COP1: variants seen among roughly 807,000 people sequenced by gnomAD.
COP1 encodes the protein COP1 E3 ubiquitin ligase, also known as E3 ubiquitin-protein ligase COP1.
Under a neutral mutation model 101.3 loss-of-function variants are expected in COP1, and 24 were observed. The ratio of observed to expected loss-of-function variants is 0.24; its 90% CI spans 0.17 to 0.33. COP1 has a LOEUF of 0.33. COP1 is among the 10% of genes least tolerant of loss of function. The pLI is 1.00. For missense variants in COP1, 663 were observed against 906.2 expected (o/e 0.73, Z 3.45); for synonymous variants, 347 against 341.9 (o/e 1.01, Z -0.17).
chr1:176,163,722 T>A, intron 4 of COP1, 93 bp downstream of exon 4: 2 of 768,912 alleles, frequency 2.6e-6, no homozygotes, highest in Non-Finnish European at 4.1e-6. Context: ...GAAAAATCAA[T>A]AATATACTAA....
intron 9 of COP1, among the ~76,000 whole-genome samples, chr1:176,096,909 C>A (rs961169374): frequency 1.3e-5 from 2 of 152,144 alleles, no homozygotes; most frequent in Admixed American, 6.5e-5. Context: ...TTGTTCTAGC[C>A]TCTGCCATTT....
intron 15 of COP1, among the ~76,000 whole-genome samples, chr1:176,019,471 A>C (rs1666306712): frequency 8.7e-6 from 1 of 114,460 alleles, no homozygotes; most frequent in South Asian, 2.5e-4. Flanking sequence ...TCAAATAATA[A>C]TAATAATAAT....
intron 15 of COP1, among the ~76,000 whole-genome samples, chr1:176,002,360 T>A (rs1442349039): frequency 6.6e-6 from 1 of 152,050 alleles, no homozygotes; most frequent in Non-Finnish European, 1.5e-5. Context: ...ATTTATTTAT[T>A]TATTTTTATT....
intron 11 of COP1, among the ~76,000 whole-genome samples, chr1:176,075,079 T>C (rs552671928): frequency 6.6e-6 from 1 of 152,166 alleles, no homozygotes; most frequent in Non-Finnish European, 1.5e-5. Context: ...TGAATCCAAG[T>C]AACACGTCTG....
intron 18 of COP1, among the ~76,000 whole-genome samples, chr1:175,974,656 G>A (rs995481410): frequency 6.6e-6 from 1 of 152,070 alleles, no homozygotes. Flanking sequence ...GAATCAAAGA[G>A]AAATCCTAGA....
chr1:176,028,086 A>C (rs1667990666), intron 14 of COP1, among the ~76,000 whole-genome samples: 1 of 152,052 alleles, frequency 6.6e-6, no homozygotes, highest in African/African-American at 2.4e-5. Flanking sequence ...TACCACGAGA[A>C]CAGTATGGGG....
At chr1:176,184,726 T>A (rs761143820) in intron 1 of COP1, 34 bp from the exon 2 acceptor site, 21 of 1,497,020 alleles carry the variant, frequency 1.4e-5, no homozygotes, top group African/African-American at 8.4e-5. Context: ...GATTTTTTTT[T>A]AAAAGTAGAG....
intron 4 of COP1, among the ~76,000 whole-genome samples, chr1:176,163,517 C>G (rs1315297391): frequency 6.6e-6 from 1 of 152,136 alleles, no homozygotes; most frequent in African/African-American, 2.4e-5. Context: ...CCAACCTCAA[C>G]AGTTTTTTGA....
chr1:176,028,884 G>C (rs1668195963), intron 14 of COP1, among the ~76,000 whole-genome samples: 1 of 150,756 alleles, frequency 6.6e-6, no homozygotes, highest in Non-Finnish European at 1.5e-5. Flanking sequence ...CAGCCTCCCG[G>C]GTAGCTAGGT....
At chr1:176,119,857 A>G (rs887464457) in intron 8 of COP1, among the ~76,000 whole-genome samples, 14 of 152,178 alleles carry the variant, frequency 9.2e-5, no homozygotes, top group Non-Finnish European at 1.5e-4. Context: ...AGATAATACT[A>G]TTATCATTCT....
rs1004257201 is a variant in COP1, at chr1:176,127,774, A to G, written c.968+7236T>C. On this transcript the variant is annotated intron_variant, in intron 8 of 19. Transcript: ENST00000367669. ...AGAATATTCCCAGTAATGGGATTGC[A>G]GGATCGTATGGTAGTTCTATTTTTA... 1.8e-4 allele frequency among the ~76,000 whole-genome samples: 27 copies of G among 152,170 alleles called. 2 individuals are homozygous for G.
rs192567915 is a variant in COP1, at chr1:175,966,963, T to C, written c.2134-19724A>G. Among the ~76,000 whole-genome samples the C allele has an allele frequency of 5.3e-5, 8 of 152,324 alleles. No individual in the cohort carries two copies. The East Asian group carries it at 1.5e-3, about 29-fold the overall frequency. ...AAATCCCAATTTGAGATCTGGGGAATTGGGATTTCTTCATCACAAAGGAAC... is the reference window on the plus strand; with the variant it reads ...AAATCCCAATTTGAGATCTGGGGAACTGGGATTTCTTCATCACAAAGGAAC... On this transcript the variant is annotated intron_variant, in intron 18 of 19. Transcript: ENST00000367669.
chr1:176,198,481 TA>T (rs1699934856), intron 1 of COP1, among the ~76,000 whole-genome samples: 1 of 152,138 alleles, frequency 6.6e-6, no homozygotes, highest in Non-Finnish European at 1.5e-5. Flanking sequence ...ATCATAACCA[TA>T]AGAAAACTAT....
At chr1:175,968,643 A>G (rs1236918982) in intron 18 of COP1, 4 of 397,636 alleles carry the variant, frequency 1.0e-5, no homozygotes, top group African/African-American at 2.1e-5. Context: ...CAGGATTCAG[A>G]TAACAGGAAA....
chr1:175,965,926 G>A (rs539070591), intron 18 of COP1, among the ~76,000 whole-genome samples: 5 of 152,146 alleles, frequency 3.3e-5, no homozygotes, highest in Admixed American at 6.5e-5. Flanking sequence ...TTATTTGACC[G>A]GAGTGTTTCT....
At chr1:176,133,891 G>A (rs892331569) in intron 8 of COP1, 3 of 451,208 alleles carry the variant, frequency 6.6e-6, no homozygotes, top group African/African-American at 4.1e-5. Context: ...TATCAGAACT[G>A]AATTCAAGGC....
intron 15 of COP1, among the ~76,000 whole-genome samples, chr1:176,015,499 A>G (rs2148981845): frequency 6.6e-6 from 1 of 152,326 alleles, no homozygotes; most frequent in East Asian, 1.9e-4. Context: ...GCAGGGATTT[A>G]AAAAGGGAAA....
At chr1:176,131,409 T>C (rs925749322) in intron 8 of COP1, among the ~76,000 whole-genome samples, 5 of 151,790 alleles carry the variant, frequency 3.3e-5, no homozygotes, top group Non-Finnish European at 7.4e-5. Context: ...AGAATACCAT[T>C]ATCTGGCTTC....
intron 11 of COP1, among the ~76,000 whole-genome samples, chr1:176,076,374 T>C (rs962761315): frequency 6.6e-6 from 1 of 152,126 alleles, no homozygotes; most frequent in Non-Finnish European, 1.5e-5. Flanking sequence ...TGAATAACTC[T>C]TGGATGAACA....
Sources: gnomAD v4.1 joint callset for allele counts (sites outside exome capture counted in the v4.1 genomes callset) on GRCh38, gnomAD v4.1.1 for gene constraint, MANE v1.5 for transcripts, NCBI Gene and HGNC (gene_info 2026-07-23, HGNC 2026-07-21) for gene names.